HIVEP1: variants seen among roughly 807,000 people sequenced by gnomAD.
The protein encoded by HIVEP1 is HIVEP zinc finger 1.
A neutral mutation model predicts 180.0 loss-of-function variants in HIVEP1; 36 were observed. The observed-to-expected ratio is 0.20, with a 90% CI of 0.15 to 0.26. HIVEP1 has a LOEUF of 0.26. Among genes scored for constraint, HIVEP1 ranks in the 10% least tolerant of loss-of-function variants. The probability of loss-of-function intolerance (pLI) is 1.00; values close to 1 mark genes in which losing one functional copy is unlikely to be tolerated. For synonymous variants in HIVEP1, 1,239 were observed against 1,239.0 expected (o/e 1.00, Z 0.00); for missense variants, 3,143 against 3,268.7 (o/e 0.96, Z 0.94).
Position 12,164,863 on chromosome 6 carries a change from G to A in HIVEP1, c.*402G>A, listed in dbSNP as rs974177472. The A allele has an allele frequency of 2.1e-5, 4 of 190,852 alleles. No homozygotes were observed. Among genetic ancestry groups the A allele is most frequent in the African/African-American group, 7.2e-5 (3 of 41,766 alleles). The allele number at this position is 190,852 out of a possible 1,614,324, so 11.8% of individuals were successfully genotyped here. ...AGAGTTTCTGTGTATAAATTAGTAT[G>A]TAAACTCCATATTTATTGTATTCAT... is the stretch of plus-strand genomic sequence containing the variant. On this transcript the variant is annotated 3_prime_UTR_variant, in exon 9 of 9. Transcript: ENST00000379388.
intron 2 of HIVEP1, among the ~76,000 whole-genome samples, chr6:12,051,001 CATAT>C (rs1161977899): frequency 0.016 from 1,228 of 77,630 alleles, 53 homozygotes; most frequent in African/African-American, 0.046. Flanking sequence ...TACACAAGTG[CATAT>C]ATATATATAT....
At chr6:12,079,933 CATCTATCTATCT>C (rs60204350) in intron 2 of HIVEP1, among the ~76,000 whole-genome samples, 200 of 149,252 alleles carry the variant, frequency 1.3e-3, no homozygotes, top group Middle Eastern at 6.9e-3. Context: ...TTCCTGATGG[CATCTATCTATCT>C]ATCTATCTAT....
intron 7 of HIVEP1, among the ~76,000 whole-genome samples, chr6:12,153,571 CAAAAAAAAA>C (rs3070558): frequency 2.6e-4 from 25 of 94,632 alleles, no homozygotes; most frequent in South Asian, 1.8e-3. Context: ...GTAAGAAATG[CAAAAAAAAA>C]AAAAAAAAAA....
chr6:12,054,931 T>G (rs1770763803), intron 2 of HIVEP1, among the ~76,000 whole-genome samples: 1 of 152,220 alleles, frequency 6.6e-6, no homozygotes, highest in Non-Finnish European at 1.5e-5. Flanking sequence ...TTTGTTAGCT[T>G]CAGTTTGATC....
chr6:12,074,757 T>G (rs1581632577), intron 2 of HIVEP1, among the ~76,000 whole-genome samples: 2 of 103,030 alleles, frequency 1.9e-5, no homozygotes, highest in East Asian at 3.4e-4. Context: ...AAATTATCAC[T>G]TTTTTAATAG....
At chr6:12,110,712 G>A (rs1011994365) in intron 3 of HIVEP1, among the ~76,000 whole-genome samples, 10 of 152,332 alleles carry the variant, frequency 6.6e-5, no homozygotes, top group African/African-American at 2.4e-4. Flanking sequence ...TAAGACTGTT[G>A]TGCTTTTTTG....
At chr6:12,013,340 A>T (rs1767514626) in intron 1 of HIVEP1, among the ~76,000 whole-genome samples, 1 of 152,072 alleles carries the variant, frequency 6.6e-6, no homozygotes, top group Non-Finnish European at 1.5e-5. Context: ...TGATCGTGTC[A>T]TGTTTTTGCT....
chr6:12,164,463 G>T lies in HIVEP1; in HGVS notation c.*2G>T. 3.8e-6 allele frequency: 6 copies of T among 1,572,226 alleles called. No homozygotes were observed. The highest frequency in any genetic ancestry group is 5.2e-6 in the Non-Finnish European group (6 of 1,164,356). ...GACAGGCTTGTGATAGCAACCTGAT[G>T]GATTTTATTTTTTATTTGCTTTTTT... is the stretch of plus-strand genomic sequence containing the variant. On this transcript the variant is annotated 3_prime_UTR_variant, in exon 9 of 9. Coordinates refer to ENST00000379388, the MANE Select transcript of HIVEP1 (RefSeq NM_002114.4).
At chr6:12,101,097 G>A (rs979530850) in intron 3 of HIVEP1, among the ~76,000 whole-genome samples, 19 of 152,244 alleles carry the variant, frequency 1.2e-4, no homozygotes, top group African/African-American at 4.6e-4. Flanking sequence ...AATAGAAAAT[G>A]TATTTATTTC....
intron 2 of HIVEP1, among the ~76,000 whole-genome samples, chr6:12,025,750 C>T (rs1768539407): frequency 6.6e-6 from 1 of 152,136 alleles, no homozygotes; most frequent in Non-Finnish European, 1.5e-5. Context: ...GGGCAAATAA[C>T]CATCGTTGGC....
At chr6:12,190,781 G>A in the HIVEP1 span, among the ~76,000 whole-genome samples, 111 of 152,050 alleles carry the variant, frequency 7.3e-4, 1 homozygote, top group African/African-American at 2.4e-3. Flanking sequence ...TTCTCTTGTC[G>A]ACACCTGTAA....
chr6:12,167,712 C>CATATATACATATATGTGT (rs1760761417), downstream of HIVEP1, among the ~76,000 whole-genome samples: 2 of 56,656 alleles, frequency 3.5e-5, no homozygotes, highest in African/African-American at 1.5e-4. Context: ...TACATATATG[C>CATATATACATATATGTGT]ATAATATATA....
Position 12,089,215 on chromosome 6 carries a change from T to G in HIVEP1, c.72T>G (p.Asn24Lys). 6.4e-7 allele frequency: 1 copy of G among 1,566,658 alleles called. No homozygotes were observed. The highest frequency in any genetic ancestry group is 8.8e-7 in the Non-Finnish European group (1 of 1,142,026). The change falls in exon 3 of 9, where the codon AAT becomes AAG. Residue 24 changes from asparagine to lysine, a missense_variant. Transcript: ENST00000379388. ...DKIEEAQKEL[N>K]GAEVSKKEIL... ...TTGAAGAAGCACAAAAAGAACTTAA[T>G]GGGGCAGAAGTTTCAAAAAAAGGTA...
At chr6:12,196,470 G>A in the HIVEP1 span, among the ~76,000 whole-genome samples, 1 of 152,172 alleles carries the variant, frequency 6.6e-6, no homozygotes, top group Non-Finnish European at 1.5e-5. Context: ...TCGTTGGCAT[G>A]CATTCAAGTT....
Position 12,124,692 on chromosome 6 carries a change from T to G in HIVEP1, c.4897T>G (p.Ser1633Ala), listed in dbSNP as rs370734828. 6.2e-7 allele frequency: 1 copy of G among 1,614,188 alleles called. No individual in the cohort carries two copies. Among genetic ancestry groups the G allele is most frequent in the African/African-American group, 1.3e-5 (1 of 75,054 alleles). The change falls in exon 4 of 9, where the codon TCA becomes GCA. Residue 1633 changes from serine to alanine, a missense_variant. Ser to Ala is a moderately conservative substitution (Grantham distance 99). Transcript: ENST00000379388. Reference protein sequence around the residue: ...LGSQVQKVPSSFMLPIRLQSS... With the variant: ...LGSQVQKVPSAFMLPIRLQSS... ...AAGTCAGGTGCAGAAGGTGCCATCA[T>G]CATTCATGCTGCCCATACGCCTGCA...
the HIVEP1 span, among the ~76,000 whole-genome samples, chr6:12,205,742 A>G: frequency 6.6e-6 from 1 of 152,348 alleles, no homozygotes; most frequent in East Asian, 1.9e-4. Flanking sequence ...TTTAAAAATC[A>G]CTTAAAATGT....
At chr6:12,068,671 A>C (rs1301758018) in intron 2 of HIVEP1, among the ~76,000 whole-genome samples, 1 of 152,162 alleles carries the variant, frequency 6.6e-6, no homozygotes, top group Admixed American at 6.5e-5. Context: ...ACATATATGT[A>C]ATATGTGTAT....
At chr6:12,186,533 A>G in the HIVEP1 span, among the ~76,000 whole-genome samples, 1 of 121,492 alleles carries the variant, frequency 8.2e-6, no homozygotes, top group Non-Finnish European at 1.7e-5. Flanking sequence ...ATTTCACTAA[A>G]ACCATCAAAT....
downstream of HIVEP1, among the ~76,000 whole-genome samples, chr6:12,167,655 GTTATATATACATA>G (rs1760750528): frequency 6.8e-5 from 7 of 103,364 alleles, no homozygotes; most frequent in African/African-American, 2.7e-4. Context: ...ACATATATAT[GTTATATATACATA>G]TATACATATA....
Sources: gnomAD v4.1 joint callset for allele counts (sites outside exome capture counted in the v4.1 genomes callset) on GRCh38, gnomAD v4.1.1 for gene constraint, MANE v1.5 for transcripts, NCBI Gene and HGNC (gene_info 2026-07-23, HGNC 2026-07-21) for gene names.